CDC73: variants seen among roughly 807,000 people sequenced by gnomAD.
The protein encoded by CDC73 is cell division cycle 73.
CDC73 carries 21 observed loss-of-function variants against 83.7 expected under a neutral mutation model. The ratio of observed to expected loss-of-function variants is 0.25; its 90% CI spans 0.18 to 0.36. CDC73 has a LOEUF of 0.36. Among genes scored for constraint, CDC73 ranks in the 10% least tolerant of loss-of-function variants. The pLI is 1.00. For synonymous variants in CDC73, 224 were observed against 212.9 expected, an observed-to-expected ratio of 1.05 and a Z score of -0.45; for missense variants, 342 against 653.3, an observed-to-expected ratio of 0.52 and a Z score of 5.19.
At chr1:193,167,901 C>T (rs1572171813) in intron 10 of CDC73, among the ~76,000 whole-genome samples, 1 of 152,080 alleles carries the variant, frequency 6.6e-6, no homozygotes. Flanking sequence ...CACTCTGTTG[C>T]CCAGTCTTCA....
chr1:193,199,319 G>A (rs1352571635), intron 10 of CDC73, among the ~76,000 whole-genome samples: 1 of 151,918 alleles, frequency 6.6e-6, no homozygotes, highest in Admixed American at 6.6e-5. Context: ...CAATCCCAGC[G>A]CTTTAGGAGG....
At position 193,203,646 on chromosome 1, in the gene CDC73, TG is replaced by T; in HGVS notation, c.973-148del. ...TTTCATTTTTATTTTTTTCTTAAAC[TG>T]TAGGTCATAACATGTTCAGTGGAGT... On this transcript the variant is annotated intron_variant, in intron 10 of 16. Coordinates refer to ENST00000367435, the MANE Select transcript of CDC73 (RefSeq NM_024529.5). 9.0e-6 allele frequency: 6 copies of T among 664,324 alleles called. No individual in the cohort carries two copies. In the South Asian group the frequency reaches 1.1e-4, roughly 12 times the overall value. The allele number at this position is 664,324 out of a possible 1,614,324, so 41.2% of individuals were successfully genotyped here.
intron 1 of CDC73, 87 bp downstream of exon 1, chr1:193,122,418 T>C (rs1275951806): frequency 4.5e-6 from 7 of 1,545,602 alleles, no homozygotes; most frequent in Non-Finnish European, 5.4e-6. Context: ...TCCCCCCGTT[T>C]CCCCTGGGGA....
chr1:193,142,099 G>A, intron 7 of CDC73, 33 bp downstream of exon 7: 1 of 392,938 alleles, frequency 2.5e-6, no homozygotes, highest in Non-Finnish European at 3.7e-6. Flanking sequence ...TCATTGGAGT[G>A]AGAGAGAGAG....
chr1:193,202,913 T>C (rs1460173590), intron 10 of CDC73, among the ~76,000 whole-genome samples: 1 of 152,106 alleles, frequency 6.6e-6, no homozygotes, highest in Non-Finnish European at 1.5e-5. Flanking sequence ...AAATGTTTTT[T>C]GTGATGCTAA....
In CDC73 at chr1:193,122,051, C is replaced by T. The variant is rs1175926103; in HGVS notation, c.-150C>T. Reference sequence around the variant, plus strand: ...GGGTGGCTACTGCCCCTGCTGCTGTCGTAGGCGAGGACGGCTGTTAGTGCT... The same window carrying T: ...GGGTGGCTACTGCCCCTGCTGCTGTTGTAGGCGAGGACGGCTGTTAGTGCT... On this transcript the variant is annotated 5_prime_UTR_variant, in exon 1 of 17. Transcript: ENST00000367435. 4 of 719,318 alleles carry T rather than the reference C, an allele frequency of 5.6e-6. No individual in the cohort carries two copies. Among genetic ancestry groups the T allele is most frequent in the Middle Eastern group, 3.5e-4 (1 of 2,838 alleles). 44.6% of individuals were successfully genotyped at this position (719,318 alleles called of 1,614,324 possible).
chr1:193,135,868 CTTTTTTTTTT>C (rs1038256301), intron 5 of CDC73, among the ~76,000 whole-genome samples: 1 of 127,178 alleles, frequency 7.9e-6, no homozygotes, highest in Non-Finnish European at 1.7e-5. Flanking sequence ...CCTTTCTGTT[CTTTTTTTTTT>C]TTTTTTTTGA....
chr1:193,207,014 C>G (rs766888326), intron 11 of CDC73, among the ~76,000 whole-genome samples: 21 of 152,164 alleles, frequency 1.4e-4, no homozygotes, highest in Non-Finnish European at 1.8e-4. Flanking sequence ...GGAACCAGCC[C>G]CCAATATTTA....
chr1:193,223,164 T>G (rs1448495970), intron 13 of CDC73, among the ~76,000 whole-genome samples: 1 of 152,182 alleles, frequency 6.6e-6, no homozygotes, highest in African/African-American at 2.4e-5. Context: ...CTTAGTCATC[T>G]TCCTTTGAAT....
intron 13 of CDC73, among the ~76,000 whole-genome samples, chr1:193,225,398 C>G (rs112333456): frequency 7.8e-4 from 119 of 152,044 alleles, no homozygotes; most frequent in African/African-American, 2.8e-3. Flanking sequence ...TGTATCATGA[C>G]TTCTTTTCTT....
At chr1:193,124,325 A>G (rs545109565) in intron 1 of CDC73, among the ~76,000 whole-genome samples, 18 of 152,356 alleles carry the variant, frequency 1.2e-4, no homozygotes, top group Admixed American at 8.5e-4. Context: ...TAGAAAAAAT[A>G]TGGTTGTTAA....
chr1:193,142,637 TTC>T (rs1297454515), intron 7 of CDC73, among the ~76,000 whole-genome samples: 2 of 151,668 alleles, frequency 1.3e-5, no homozygotes. Context: ...CCCTCCTCCT[TTC>T]TCTCTTTCTC....
chr1:193,201,560 C>G (rs1297850031), intron 10 of CDC73, among the ~76,000 whole-genome samples: 1 of 152,024 alleles, frequency 6.6e-6, no homozygotes, highest in African/African-American at 2.4e-5. Context: ...AGGATATAAA[C>G]CTTTCCTAGT....
At chr1:193,234,775 T>C (rs1214449094) in intron 14 of CDC73, among the ~76,000 whole-genome samples, 2 of 152,172 alleles carry the variant, frequency 1.3e-5, no homozygotes, top group Non-Finnish European at 2.9e-5. Flanking sequence ...GTAAGTTACA[T>C]CATAAAACTG....
chr1:193,136,180 A>T (rs1056323002), intron 5 of CDC73, among the ~76,000 whole-genome samples: 3 of 152,182 alleles, frequency 2.0e-5, no homozygotes, highest in African/African-American at 7.2e-5. Flanking sequence ...TTAATATTGT[A>T]GTGTGAAAGC....
intron 1 of CDC73, among the ~76,000 whole-genome samples, chr1:193,124,481 A>G (rs1675527793): frequency 6.6e-6 from 1 of 152,206 alleles, no homozygotes; most frequent in Non-Finnish European, 1.5e-5. Context: ...AAGATATAGA[A>G]GGGGAAAGTG....
chr1:193,183,150 G>A (rs1309063064), intron 10 of CDC73, among the ~76,000 whole-genome samples: 2 of 151,632 alleles, frequency 1.3e-5, no homozygotes, highest in African/African-American at 4.8e-5. Context: ...CATACATAAC[G>A]TTAAGTACTT....
At chr1:193,217,506 AT>A (rs1346577954) in intron 13 of CDC73, among the ~76,000 whole-genome samples, 1 of 151,858 alleles carries the variant, frequency 6.6e-6, no homozygotes, top group Non-Finnish European at 1.5e-5. Context: ...CGTCATTCTG[AT>A]GGCCTGTCAG....
chr1:193,191,053 CTT>C (rs761973849), intron 10 of CDC73, among the ~76,000 whole-genome samples: 9 of 152,148 alleles, frequency 5.9e-5, no homozygotes, highest in Admixed American at 1.3e-4. Flanking sequence ...AGGTGAAACA[CTT>C]TTTTATAATT....
Sources: allele counts gnomAD v4.1 joint callset (sites outside exome capture counted in the v4.1 genomes callset), GRCh38; gene constraint gnomAD v4.1.1; transcripts MANE v1.5; gene names NCBI Gene and HGNC (gene_info 2026-07-23, HGNC 2026-07-21).